The following TCF12 variants were observed in gnomAD, a reference collection of about 807,000 sequenced individuals.
TCF12 encodes DNA-binding protein HTF4.
Under a neutral mutation model 86.0 loss-of-function variants are expected in TCF12, and 45 were observed. The ratio of observed to expected loss-of-function variants is 0.52; its 90% confidence interval spans 0.41 to 0.67. The LOEUF is 0.67. Ranked by LOEUF, TCF12 falls within the 30% of genes least tolerant of loss-of-function variation. TCF12 has a pLI of 0.00. For synonymous variants in TCF12, 330 were observed against 299.6 expected (o/e 1.10, Z -1.05); for missense variants, 881 against 859.9 (o/e 1.02, Z -0.31).
rs138145337 is a variant in TCF12, at chr15:57,197,152, C to CTTTTTTTTTTTTTTTTT, written c.527-616_527-600dup. Among the ~76,000 whole-genome samples, 304 of 87,240 alleles carry CTTTTTTTTTTTTTTTTT rather than the reference C, an allele frequency of 3.5e-3. 24 individuals carry two copies. Among genetic ancestry groups the CTTTTTTTTTTTTTTTTT allele is most frequent in the Admixed American group, 4.0e-3 (24 of 6,016 alleles). The allele number at this position is 87,240 out of a possible 152,430, so 57.2% of individuals were successfully genotyped here. A position where few individuals can be genotyped will look rare whatever the true frequency, so the allele number is the denominator to read the frequency against. The stretch of plus-strand genomic sequence containing the variant: ...TATAGTACCTGGCACAGAACAGCTT[C>CTTTTTTTTTTTTTTTTT]TTTTTTTTTTTTTTTTTTTTTGAGA... On this transcript the variant is annotated intron_variant, in intron 7 of 20. Coordinates refer to ENST00000333725, the MANE Select transcript of TCF12 (RefSeq NM_207037.2).
chr15:57,078,948 A>T (rs2070381569), intron 4 of TCF12, among the ~76,000 whole-genome samples: 1 of 152,142 alleles, frequency 6.6e-6, no homozygotes, highest in African/African-American at 2.4e-5. Flanking sequence ...TAATGCTGTG[A>T]CCTTTTGTTA....
At chr15:57,130,151 TC>T (rs1185077067) in intron 5 of TCF12, among the ~76,000 whole-genome samples, 1 of 152,242 alleles carries the variant, frequency 6.6e-6, no homozygotes, top group African/African-American at 2.4e-5. Context: ...CTTTGACCTC[TC>T]TAGGATAAAA....
At chr15:57,147,082 T>C (rs570237398) in intron 5 of TCF12, among the ~76,000 whole-genome samples, 1 of 152,278 alleles carries the variant, frequency 6.6e-6, no homozygotes, top group East Asian at 1.9e-4. Flanking sequence ...TTTGGGAAAA[T>C]AGCAGTGCCT....
intron 5 of TCF12, among the ~76,000 whole-genome samples, chr15:57,158,873 T>G (rs2054302742): frequency 6.6e-6 from 1 of 152,198 alleles, no homozygotes; most frequent in Non-Finnish European, 1.5e-5. Flanking sequence ...CACTAGATAT[T>G]TAAGCATCTT....
intron 3 of TCF12, among the ~76,000 whole-genome samples, chr15:56,928,101 A>C (rs1448347362): frequency 6.6e-6 from 1 of 152,220 alleles, no homozygotes; most frequent in Non-Finnish European, 1.5e-5. Context: ...CTCAGGAGCC[A>C]GACAACTGGA....
chr15:57,113,517 C>G (rs912945390), intron 5 of TCF12, among the ~76,000 whole-genome samples: 1 of 151,980 alleles, frequency 6.6e-6, no homozygotes, highest in Admixed American at 6.6e-5. Context: ...ACTGGCAATC[C>G]CTTACCTTTC....
intron 5 of TCF12, among the ~76,000 whole-genome samples, chr15:57,095,680 A>C (rs1596501783): frequency 6.6e-6 from 1 of 152,132 alleles, no homozygotes; most frequent in Non-Finnish European, 1.5e-5. Flanking sequence ...TTTCTTTTAA[A>C]GAGTGAATGT....
chr15:57,075,835 TTTTCTTTC>T (rs143626916), intron 4 of TCF12, among the ~76,000 whole-genome samples: 14 of 50,016 alleles, frequency 2.8e-4, no homozygotes, highest in African/African-American at 1.1e-3. Context: ...TCTCTCTCTC[TTTTCTTTC>T]TTTCTTTCTT....
At chr15:56,967,470 C>G (rs1421556852) in intron 3 of TCF12, among the ~76,000 whole-genome samples, 3 of 152,168 alleles carry the variant, frequency 2.0e-5, no homozygotes, top group Admixed American at 1.3e-4. Context: ...CTCTTGTTTG[C>G]CTTTCTTTAA....
intron 6 of TCF12, among the ~76,000 whole-genome samples, chr15:57,183,482 T>C (rs773040907): frequency 2.0e-5 from 3 of 152,166 alleles, no homozygotes; most frequent in Non-Finnish European, 4.4e-5. Flanking sequence ...CCCTATTCTC[T>C]TGCGTATTTC....
chr15:57,028,130 G>A (rs1032658858), intron 3 of TCF12, among the ~76,000 whole-genome samples: 3 of 151,968 alleles, frequency 2.0e-5, no homozygotes, highest in African/African-American at 4.8e-5. Context: ...CACCCAGCTA[G>A]TTTTTGTATT....
intron 16 of TCF12, 104 bp downstream of exon 16, chr15:57,253,572 G>T (rs1772970061): frequency 7.4e-7 from 1 of 1,357,782 alleles, no homozygotes. Flanking sequence ...GGAAGGCAAA[G>T]ACTGACTTTT....
intron 5 of TCF12, among the ~76,000 whole-genome samples, chr15:57,127,981 GT>G (rs1332302838): frequency 1.3e-5 from 2 of 152,068 alleles, no homozygotes; most frequent in Non-Finnish European, 2.9e-5. Flanking sequence ...TAACAGTAAT[GT>G]TCTTTTTTAA....
At chr15:57,280,709 A>T (rs1458791847) in intron 19 of TCF12, among the ~76,000 whole-genome samples, 2 of 152,160 alleles carry the variant, frequency 1.3e-5, no homozygotes, top group East Asian at 3.9e-4. Flanking sequence ...ATCTCTGAAA[A>T]AATGGTTGGG....
chr15:57,130,773 C>T (rs1041986178), intron 5 of TCF12, among the ~76,000 whole-genome samples: 2 of 152,082 alleles, frequency 1.3e-5, no homozygotes, highest in South Asian at 2.1e-4. Flanking sequence ...GTGTTACACA[C>T]GTTGCTAAGT....
At chr15:57,085,986 A>G (rs1396085841) in intron 4 of TCF12, among the ~76,000 whole-genome samples, 1 of 152,056 alleles carries the variant, frequency 6.6e-6, no homozygotes, top group East Asian at 1.9e-4. Flanking sequence ...AGTTACCCTG[A>G]GGTCTATGGA....
intron 7 of TCF12, among the ~76,000 whole-genome samples, chr15:57,194,409 C>A (rs1286149628): frequency 3.9e-5 from 6 of 152,102 alleles, no homozygotes; most frequent in African/African-American, 1.4e-4. Context: ...TCTCTTGGTG[C>A]CCAGGGAGGT....
At chr15:57,086,212 G>GATAATAATAGTAATAATA (rs1555501426) in intron 4 of TCF12, among the ~76,000 whole-genome samples, 1 of 141,622 alleles carries the variant, frequency 7.1e-6, no homozygotes, top group Non-Finnish European at 1.5e-5. Flanking sequence ...GGATGATGAT[G>GATAATAATAGTAATAATA]ATAATAATAA....
rs192657286 is a variant in TCF12 at position 57,050,558 on chromosome 15, G to T, written c.149-13192G>T. Among the ~76,000 whole-genome samples the T allele has an allele frequency of 1.2e-4, 19 of 152,260 alleles. No individual in the cohort carries two copies. The East Asian group carries it at 3.5e-3, about 28-fold the overall frequency. On this transcript the variant is annotated intron_variant, in intron 3 of 20. Coordinates refer to ENST00000333725, the MANE Select transcript of TCF12 (RefSeq NM_207037.2). ...GCTTTGTAGTTCTCTCCTACTTAGA[G>T]ACTGCCGAGTTCATTGGATCTACAG...
Sources: allele counts gnomAD v4.1 joint callset (sites outside exome capture counted in the v4.1 genomes callset), GRCh38; gene constraint gnomAD v4.1.1; transcripts MANE v1.5; gene names NCBI Gene and HGNC (gene_info 2026-07-23, HGNC 2026-07-21).